AIG1: variants seen among roughly 807,000 people sequenced by gnomAD.
The protein encoded by AIG1 is androgen-induced gene 1 protein.
AIG1 carries 23 observed loss-of-function variants against 31.4 expected under a neutral mutation model. The observed-to-expected ratio is 0.73, with a 90% CI of 0.53 to 1.04. The LOEUF (loss-of-function observed/expected upper bound fraction) is 1.04. AIG1 is among the 50% of genes least tolerant of loss of function. The pLI is 0.00. For missense variants in AIG1, 274 were observed against 295.0 expected, an observed-to-expected ratio of 0.93 and a Z score of 0.52; for synonymous variants, 100 against 110.5, an observed-to-expected ratio of 0.90 and a Z score of 0.60.
At chr6:143,249,492 G>A (rs759093382) in intron 3 of AIG1, among the ~76,000 whole-genome samples, 20 of 152,228 alleles carry the variant, frequency 1.3e-4, no homozygotes, top group South Asian at 2.1e-4. Flanking sequence ...GTTCATTGTC[G>A]CAGCCAGGAC....
chr6:143,339,382 G>A (rs1014963123), intron 5 of AIG1: 5 of 315,582 alleles, frequency 1.6e-5, no homozygotes, highest in Non-Finnish European at 2.9e-5. Context: ...GGCCATAGGA[G>A]CTGGGTGTGT....
rs1798539349 is a variant in AIG1 at position 143,297,812 on chromosome 6, A to G, written c.515+13587A>G. Among the ~76,000 whole-genome samples the G allele has an allele frequency of 6.6e-6, 1 of 152,116 alleles. No individual in the cohort carries two copies. The highest frequency in any genetic ancestry group is 6.5e-5 in the Admixed American group (1 of 15,268). On this transcript the variant is annotated intron_variant, in intron 4 of 5. Coordinates refer to ENST00000357847, the MANE Select transcript of AIG1 (RefSeq NM_016108.4). The surrounding 1 kb of genome is among the most constrained non-coding windows in gnomAD (Gnocchi z 5.1). ...CAATCCTCCTACTTAAAAGTCTTCA[A>G]TAGTTTATTTTTTCCAGTTTGGGTA...
At chr6:143,263,487 T>C (rs1408357128) in intron 3 of AIG1, among the ~76,000 whole-genome samples, 2 of 152,020 alleles carry the variant, frequency 1.3e-5, no homozygotes, top group African/African-American at 4.8e-5. Flanking sequence ...TTTTCTTTAA[T>C]GTATGCTTTA....
intron 3 of AIG1, among the ~76,000 whole-genome samples, chr6:143,207,504 C>T (rs1791212132): frequency 7.5e-6 from 1 of 132,958 alleles, no homozygotes; most frequent in South Asian, 2.7e-4. Context: ...TTTAGATTTC[C>T]CGTAACCATT....
At chr6:143,154,105 A>G (rs1785496666) in intron 2 of AIG1, among the ~76,000 whole-genome samples, 1 of 152,018 alleles carries the variant, frequency 6.6e-6, no homozygotes, top group Non-Finnish European at 1.5e-5. Context: ...CAAAAAAGTT[A>G]AAAGCATAGG....
intron 1 of AIG1, among the ~76,000 whole-genome samples, chr6:143,063,743 G>A (rs1353707908): frequency 2.0e-5 from 3 of 152,188 alleles, no homozygotes; most frequent in Admixed American, 6.5e-5. Context: ...TTGGATTGCA[G>A]GAATCATTTA....
At chr6:143,277,291 T>A (rs1272883892) in intron 3 of AIG1, among the ~76,000 whole-genome samples, 1 of 152,166 alleles carries the variant, frequency 6.6e-6, no homozygotes, top group Non-Finnish European at 1.5e-5. Context: ...AATTTTTGTA[T>A]CTTAGGATAG....
At chr6:143,169,329 A>G (rs1014666881) in intron 3 of AIG1, among the ~76,000 whole-genome samples, 3 of 152,136 alleles carry the variant, frequency 2.0e-5, no homozygotes, top group Admixed American at 6.6e-5. Flanking sequence ...ACATACATGT[A>G]ATTAACATAG....
At chr6:143,195,201 C>A (rs1054932336) in intron 3 of AIG1, among the ~76,000 whole-genome samples, 8 of 152,238 alleles carry the variant, frequency 5.3e-5, no homozygotes, top group African/African-American at 1.7e-4. Context: ...GGAGCAATTT[C>A]TGTTTCATGC....
At chr6:143,242,953 G>C (rs1015057908) in intron 3 of AIG1, among the ~76,000 whole-genome samples, 1 of 152,142 alleles carries the variant, frequency 6.6e-6, no homozygotes, top group Non-Finnish European at 1.5e-5. Context: ...GTGAAGTGCT[G>C]TTACTGAGAC....
intron 1 of AIG1, among the ~76,000 whole-genome samples, chr6:143,118,369 G>A (rs74985137): frequency 0.12 from 18,212 of 151,772 alleles, 3,352 homozygotes; most frequent in African/African-American, 0.4. Context: ...TGAGGCAGGG[G>A]TATTGCTTGA....
rs1393845102 is a variant in AIG1, at chr6:143,334,636, A to G, written c.679+1191A>G. 6.6e-6 allele frequency among the ~76,000 whole-genome samples: 1 copy of G among 152,238 alleles called. No individual in the cohort carries two copies. Among genetic ancestry groups the G allele is most frequent in the Admixed American group, 6.5e-5 (1 of 15,286 alleles). Reference sequence around the variant, plus strand: ...CTTTTAATAATGTTCCACCTGTTCAATGGAAATAGTGATCTTTCTCCATTA... The same window carrying G: ...CTTTTAATAATGTTCCACCTGTTCAGTGGAAATAGTGATCTTTCTCCATTA... On this transcript the variant is annotated intron_variant, in intron 5 of 5. Transcript: ENST00000357847. This position sits in a 1 kb window ranked among gnomAD's most constrained non-coding sequence, Gnocchi z 5.1.
intron 3 of AIG1, among the ~76,000 whole-genome samples, chr6:143,249,327 G>A (rs1451857140): frequency 1.3e-5 from 2 of 152,176 alleles, no homozygotes; most frequent in Non-Finnish European, 2.9e-5. Flanking sequence ...CGACGACGAC[G>A]ATATTGGATA....
At chr6:143,210,010 A>G (rs925356674) in intron 3 of AIG1, among the ~76,000 whole-genome samples, 1 of 152,270 alleles carries the variant, frequency 6.6e-6, no homozygotes, top group Non-Finnish European at 1.5e-5. Context: ...CTCACCTTGA[A>G]TTGTAGTTCC....
chr6:143,171,027 T>C (rs1254246274), intron 3 of AIG1, among the ~76,000 whole-genome samples: 1 of 152,038 alleles, frequency 6.6e-6, no homozygotes, highest in Non-Finnish European at 1.5e-5. Context: ...GGAAAAGGCA[T>C]AGGAAACCTA....
chr6:143,063,724 C>G (rs10484584), intron 1 of AIG1, among the ~76,000 whole-genome samples: 4,088 of 152,186 alleles, frequency 0.027, 239 homozygotes, highest in Admixed American at 0.15. Context: ...GCCCTTTTTT[C>G]TAGCCAACTT....
In AIG1 at chr6:143,256,772, C is replaced by T. The variant is rs10484582; in HGVS notation, c.400-27338C>T. On this transcript the variant is annotated intron_variant, in intron 3 of 5. Coordinates refer to ENST00000357847, the MANE Select transcript of AIG1 (RefSeq NM_016108.4). This position sits in a 1 kb window ranked among gnomAD's most constrained non-coding sequence, Gnocchi z 4.6. ...GTTTGGCACTCTCTAGATTTTGACA[C>T]ATTAGAAGAAAAAATAAAGTTATAT... Among the ~76,000 whole-genome samples, 1,439 of 152,250 alleles carry T rather than the reference C, an allele frequency of 9.5e-3. 44 individuals are homozygous for T. The highest frequency in any genetic ancestry group is 0.065 in the East Asian group (337 of 5,188).
chr6:143,229,294 G>T (rs545565717), intron 3 of AIG1, among the ~76,000 whole-genome samples: 1 of 152,150 alleles, frequency 6.6e-6, no homozygotes, highest in Non-Finnish European at 1.5e-5. Flanking sequence ...GTGTGTAATT[G>T]TATTCCACTT....
chr6:143,279,528 T>C lies in AIG1; in HGVS notation c.400-4582T>C, dbSNP rs1797193652. ...TTCCGAGTCTTCACATCAGAATTAATCATGGGTCCTTCCGTGAATCCAGCC... is the reference window on the plus strand; with the variant it reads ...TTCCGAGTCTTCACATCAGAATTAACCATGGGTCCTTCCGTGAATCCAGCC... On this transcript the variant is annotated intron_variant, in intron 3 of 5. Transcript: ENST00000357847. This position sits in a 1 kb window ranked among gnomAD's most constrained non-coding sequence, Gnocchi z 5.4. Among the ~76,000 whole-genome samples the C allele has an allele frequency of 6.6e-6, 1 of 152,170 alleles. No homozygotes were observed. Among genetic ancestry groups the C allele is most frequent in the South Asian group, 2.1e-4 (1 of 4,828 alleles).
Sources: gnomAD v4.1 joint callset for allele counts (sites outside exome capture counted in the v4.1 genomes callset) on GRCh38, gnomAD v4.1.1 for gene constraint, Gnocchi (gnomAD v3.1) non-coding constraint, MANE v1.5 for transcripts, NCBI Gene and HGNC (gene_info 2026-07-23, HGNC 2026-07-21) for gene names.